MCF2L2: variants seen among roughly 807,000 people sequenced by gnomAD.
MCF2L2 encodes the protein probable guanine nucleotide exchange factor MCF2L2.
A neutral mutation model predicts 150.2 loss-of-function variants in MCF2L2; 102 were observed. The observed-to-expected ratio is 0.68, with a 90% confidence interval of 0.58 to 0.80. The LOEUF (loss-of-function observed/expected upper bound fraction) is 0.80, where lower values mean the gene tolerates loss of function less well. MCF2L2 is among the 30% of genes least tolerant of loss of function. The probability of loss-of-function intolerance (pLI) is 0.00; values close to 1 mark genes in which losing one functional copy is unlikely to be tolerated. For missense variants in MCF2L2, 1,256 were observed against 1,372.8 expected, an observed-to-expected ratio of 0.91 and a Z score of 1.34; for synonymous variants, 465 against 491.3, an observed-to-expected ratio of 0.95 and a Z score of 0.71.
chr3:183,419,788 A>ACTTG lies in MCF2L2; in HGVS notation c.76+8110_76+8113dup, dbSNP rs1406616648. On this transcript the variant is annotated intron_variant, in intron 1 of 29. Coordinates refer to ENST00000328913, the MANE Select transcript of MCF2L2 (RefSeq NM_015078.4). The stretch of plus-strand genomic sequence containing the variant: ...CTCGGGAGGCTGAAACACGAGAATC[A>ACTTG]CTTGAACCTGGGGGGCAGAGGTTGC... Among the ~76,000 whole-genome samples, 7 of 152,318 alleles carry ACTTG rather than the reference A, an allele frequency of 4.6e-5. No homozygotes were observed. The East Asian group carries it at 1.4e-3, about 29-fold the overall frequency.
intron 3 of MCF2L2, among the ~76,000 whole-genome samples, chr3:183,360,513 G>C (rs1467248857): frequency 6.6e-6 from 1 of 152,044 alleles, no homozygotes; most frequent in Non-Finnish European, 1.5e-5. Flanking sequence ...GCTGCAGTTA[G>C]CTATGATCAT....
intron 2 of MCF2L2, among the ~76,000 whole-genome samples, chr3:183,385,404 G>C (rs1233254331): frequency 6.6e-6 from 1 of 152,072 alleles, no homozygotes; most frequent in Non-Finnish European, 1.5e-5. Flanking sequence ...GTTTCAGTTA[G>C]GAGCCTCCCA....
At chr3:183,258,770 C>T (rs1725313786) in intron 15 of MCF2L2, among the ~76,000 whole-genome samples, 1 of 151,976 alleles carries the variant, frequency 6.6e-6, no homozygotes, top group Non-Finnish European at 1.5e-5. Context: ...AGATGGGTCT[C>T]ACTCTGTTGT....
intron 1 of MCF2L2, among the ~76,000 whole-genome samples, chr3:183,417,321 C>A (rs1172317370): frequency 3.3e-5 from 5 of 151,950 alleles, no homozygotes; most frequent in African/African-American, 1.2e-4. Flanking sequence ...AAACTGTAAC[C>A]CCATCATAAG....
chr3:183,383,338 G>A (rs1171646039), intron 2 of MCF2L2, among the ~76,000 whole-genome samples: 1 of 152,016 alleles, frequency 6.6e-6, no homozygotes, highest in African/African-American at 2.4e-5. Context: ...GGGTTCAAGC[G>A]ATTCTCCTGC....
intron 3 of MCF2L2, among the ~76,000 whole-genome samples, chr3:183,347,005 G>T (rs1330145755): frequency 6.6e-6 from 1 of 152,170 alleles, no homozygotes; most frequent in Non-Finnish European, 1.5e-5. Context: ...TAGATTTACT[G>T]CTATTCCCAT....
intron 15 of MCF2L2, among the ~76,000 whole-genome samples, chr3:183,247,796 G>A (rs1420527756): frequency 6.6e-6 from 1 of 152,156 alleles, no homozygotes; most frequent in Non-Finnish European, 1.5e-5. Flanking sequence ...ATATGGGAGA[G>A]TGTGCATAGG....
intron 7 of MCF2L2, among the ~76,000 whole-genome samples, chr3:183,314,404 CAAAAG>C (rs1729512457): frequency 1.3e-5 from 2 of 151,834 alleles, no homozygotes; most frequent in Non-Finnish European, 1.5e-5. Context: ...ACTGAAGGGC[CAAAAG>C]AAAAGAGGTT....
chr3:183,361,657 T>C (rs1321264781), intron 3 of MCF2L2, among the ~76,000 whole-genome samples: 2 of 152,228 alleles, frequency 1.3e-5, no homozygotes, highest in Non-Finnish European at 2.9e-5. Flanking sequence ...CCTTTCTTCA[T>C]AAATTAACCA....
At chr3:183,262,487 T>G (rs1725702405) in intron 15 of MCF2L2, among the ~76,000 whole-genome samples, 1 of 152,136 alleles carries the variant, frequency 6.6e-6, no homozygotes, top group African/African-American at 2.4e-5. Context: ...ATCAAAATAT[T>G]ATACTGACTA....
chr3:183,304,462 ATTTTTT>A (rs36115279), intron 10 of MCF2L2, among the ~76,000 whole-genome samples: 8 of 114,094 alleles, frequency 7.0e-5, no homozygotes, highest in Middle Eastern at 5.1e-3. Context: ...CTGGGCAGTG[ATTTTTT>A]TTTTTTTTTT....
chr3:183,248,480 C>G (rs1032873082), intron 15 of MCF2L2, among the ~76,000 whole-genome samples: 2 of 152,162 alleles, frequency 1.3e-5, no homozygotes, highest in African/African-American at 4.8e-5. Flanking sequence ...ACCGTGTACT[C>G]TCTGTAAAGC....
intron 3 of MCF2L2, among the ~76,000 whole-genome samples, chr3:183,367,227 C>CTTTTT (rs11340213): frequency 7.1e-6 from 1 of 140,458 alleles, no homozygotes; most frequent in African/African-American, 2.6e-5. Context: ...TTCTTTCTTT[C>CTTTTT]TTTTTTTTTT....
At chr3:183,241,569 G>A (rs971257198) in intron 15 of MCF2L2, among the ~76,000 whole-genome samples, 1 of 152,176 alleles carries the variant, frequency 6.6e-6, no homozygotes, top group Non-Finnish European at 1.5e-5. Flanking sequence ...ACATGCTTTT[G>A]CTCCTCCTTT....
intron 3 of MCF2L2, among the ~76,000 whole-genome samples, chr3:183,361,869 C>T (rs550238282): frequency 5.3e-5 from 8 of 152,308 alleles, no homozygotes; most frequent in African/African-American, 1.9e-4. Context: ...CAAGCACAGA[C>T]TGTCCACATG....
intron 5 of MCF2L2, among the ~76,000 whole-genome samples, chr3:183,335,565 C>T (rs1246698079): frequency 6.6e-6 from 1 of 151,890 alleles, no homozygotes; most frequent in Non-Finnish European, 1.5e-5. Flanking sequence ...GGATTAACAC[C>T]CTTAGAAAAG....
chr3:183,424,360 T>C (rs1380410634), intron 1 of MCF2L2, among the ~76,000 whole-genome samples: 3 of 152,228 alleles, frequency 2.0e-5, no homozygotes, highest in East Asian at 3.9e-4. Flanking sequence ...AAGGGCTTCA[T>C]GTTTACTTTC....
chr3:183,218,162 A>C (rs920076551), intron 21 of MCF2L2, among the ~76,000 whole-genome samples: 1 of 152,192 alleles, frequency 6.6e-6, no homozygotes, highest in African/African-American at 2.4e-5. Context: ...AGCACTGGGT[A>C]TTTGCATCTT....
intron 3 of MCF2L2, among the ~76,000 whole-genome samples, chr3:183,360,334 G>A (rs1712057594): frequency 6.6e-6 from 1 of 152,152 alleles, no homozygotes; most frequent in Non-Finnish European, 1.5e-5. Context: ...CTGGGACTCT[G>A]AGGCAGGAGG....
Sources: gnomAD v4.1 joint callset for allele counts (sites outside exome capture counted in the v4.1 genomes callset) on GRCh38, gnomAD v4.1.1 for gene constraint, MANE v1.5 for transcripts, NCBI Gene and HGNC (gene_info 2026-07-23, HGNC 2026-07-21) for gene names.